The following DLGAP3 variants were observed in gnomAD, a reference collection of about 807,000 sequenced individuals.
The protein encoded by DLGAP3 is disks large-associated protein 3.
Under a neutral mutation model 81.2 loss-of-function variants are expected in DLGAP3, and 17 were observed. The observed-to-expected ratio is 0.21, with a 90% confidence interval of 0.14 to 0.31. DLGAP3 has a LOEUF of 0.31. DLGAP3 is among the 10% of genes least tolerant of loss of function. The pLI is 1.00. For missense variants in DLGAP3, 1,124 were observed against 1,388.0 expected, an observed-to-expected ratio of 0.81 and a Z score of 3.02; for synonymous variants, 577 against 587.4, an observed-to-expected ratio of 0.98 and a Z score of 0.26.
intron 3 of DLGAP3, among the ~76,000 whole-genome samples, chr1:34,901,145 G>A (rs935338410): frequency 9.9e-5 from 15 of 152,180 alleles, no homozygotes; most frequent in African/African-American, 3.4e-4. Flanking sequence ...CTGGGATTCA[G>A]TGGGGAGATC....
At chr1:34,884,579 C>A (rs577811094) in intron 8 of DLGAP3, among the ~76,000 whole-genome samples, 3 of 150,708 alleles carry the variant, frequency 2.0e-5, no homozygotes, top group African/African-American at 7.5e-5. Flanking sequence ...GCAATCTTCC[C>A]GTTTGTTTCT....
intron 11 of DLGAP3, among the ~76,000 whole-genome samples, chr1:34,866,784 AC>A (rs112932264): frequency 6.6e-6 from 1 of 151,256 alleles, no homozygotes; most frequent in Admixed American, 6.6e-5. Context: ...AGCCGCCGCC[AC>A]CCCCCCAACC....
At position 34,902,787 on chromosome 1, in the gene DLGAP3, T is replaced by A. The variant is rs546184603; in HGVS notation, c.1107+1490A>T. Among the ~76,000 whole-genome samples the A allele has an allele frequency of 6.6e-6, 1 of 152,074 alleles. No homozygotes were observed. The highest frequency in any genetic ancestry group is 2.4e-5 in the African/African-American group (1 of 41,472). On this transcript the variant is annotated intron_variant, in intron 3 of 11. Transcript: ENST00000373347. The surrounding 1 kb of genome is among the most constrained non-coding windows in gnomAD (Gnocchi z 4.4). ...CCTCTGCAGGACACTGTGAGGTGCA[T>A]GTTAAAAAGGAAGCCCCCAGGGAGG...
Position 34,900,545 on chromosome 1 carries a change from A to G in DLGAP3, c.1108-272T>C, listed in dbSNP as rs989360847. Among the ~76,000 whole-genome samples, 4 of 152,234 alleles carry G rather than the reference A, an allele frequency of 2.6e-5. No homozygotes were observed. The highest frequency in any genetic ancestry group is 5.9e-5 in the Non-Finnish European group (4 of 68,030). ...GGCAGGCGTCAAGCGGTTGATGATC[A>G]GAGGCCAAAGTGACCTGTGTCAATC... On this transcript the variant is annotated intron_variant, in intron 3 of 11. Coordinates refer to ENST00000373347, the MANE Select transcript of DLGAP3 (RefSeq NM_001080418.3). The surrounding 1 kb of genome is among the most constrained non-coding windows in gnomAD (Gnocchi z 5.6).
chr1:34,919,339 T>C (rs1162983484), intron 1 of DLGAP3, among the ~76,000 whole-genome samples: 1 of 152,224 alleles, frequency 6.6e-6, no homozygotes, highest in Non-Finnish European at 1.5e-5. Flanking sequence ...CACTTCCTCC[T>C]TTTCTTAGCA....
At chr1:34,889,033 C>T (rs551743484) in intron 5 of DLGAP3, among the ~76,000 whole-genome samples, 91 of 152,204 alleles carry the variant, frequency 6.0e-4, no homozygotes, top group Non-Finnish European at 7.1e-4. Context: ...GTATCTCTAG[C>T]CCTCTTCTGT....
Position 34,885,721 on chromosome 1 carries a change from G to A in DLGAP3, c.1671C>T (p.Thr557=), listed in dbSNP as rs1639214185. 6.3e-6 allele frequency: 9 copies of A among 1,421,218 alleles called. No homozygotes were observed. Among genetic ancestry groups the A allele is most frequent in the Non-Finnish European group, 8.2e-6 (9 of 1,096,070 alleles). 88.0% of individuals were successfully genotyped at this position (1,421,218 alleles called of 1,614,324 possible). Residue 557 remains threonine, a synonymous_variant, in exon 7 of 12, where the codon ACC becomes ACT. Coordinates refer to ENST00000373347, the MANE Select transcript of DLGAP3 (RefSeq NM_001080418.3). ...GSQAPPRISI[T]AQSSTDSAHE... ...GCGCGGAGTCGGTGCTGCTCTGGGC[G>A]GTGATGGAGATGCGGGGCGGGGCCT... is the stretch of plus-strand genomic sequence containing the variant.
Position 34,902,801 on chromosome 1 carries a change from C to T in DLGAP3, c.1107+1476G>A, listed in dbSNP as rs1263199193. On this transcript the variant is annotated intron_variant, in intron 3 of 11. Coordinates refer to ENST00000373347, the MANE Select transcript of DLGAP3 (RefSeq NM_001080418.3). The surrounding 1 kb of genome is among the most constrained non-coding windows in gnomAD (Gnocchi z 4.4). ...TGTGAGGTGCATGTTAAAAAGGAAG[C>T]CCCCAGGGAGGTCAGGGCAGCCCTG... Among the ~76,000 whole-genome samples the T allele has an allele frequency of 6.6e-6, 1 of 152,072 alleles. No homozygotes were observed. Among genetic ancestry groups the T allele is most frequent in the African/African-American group, 2.4e-5 (1 of 41,372 alleles).
chr1:34,908,933 T>C (rs1051676357), intron 1 of DLGAP3, among the ~76,000 whole-genome samples: 12 of 152,208 alleles, frequency 7.9e-5, no homozygotes, highest in African/African-American at 2.9e-4. Flanking sequence ...GCCTCTCAAA[T>C]AGTTGTTGAA....
intron 5 of DLGAP3, among the ~76,000 whole-genome samples, chr1:34,889,527 C>A (rs1639282873): frequency 6.6e-6 from 1 of 152,182 alleles, no homozygotes; most frequent in South Asian, 2.1e-4. Context: ...AGATCCTTAG[C>A]CTTTCTCCAA....
chr1:34,892,072 A>C (rs1057452233), intron 5 of DLGAP3, among the ~76,000 whole-genome samples: 7 of 152,244 alleles, frequency 4.6e-5, no homozygotes, highest in African/African-American at 1.7e-4. Flanking sequence ...AGCTATTATA[A>C]ATATATCAAA....
Position 34,867,753 on chromosome 1 carries a change from G to T in DLGAP3, c.2486-126C>A. 1 of 765,026 alleles carries T rather than the reference G, an allele frequency of 1.3e-6. No homozygotes were observed. The highest frequency in any genetic ancestry group is 2.3e-6 in the Non-Finnish European group (1 of 435,118). 47.4% of individuals were successfully genotyped at this position (765,026 alleles called of 1,614,324 possible). ...ACTGTGTATCCATCAGTCTCCTCCAGCCCCAGCCCCATCCCATCCTCAAGT... is the reference window on the plus strand; with the variant it reads ...ACTGTGTATCCATCAGTCTCCTCCATCCCCAGCCCCATCCCATCCTCAAGT... On this transcript the variant is annotated intron_variant, in intron 9 of 11. Transcript: ENST00000373347. This position sits in a 1 kb window ranked among gnomAD's most constrained non-coding sequence, Gnocchi z 4.3.
intron 8 of DLGAP3, among the ~76,000 whole-genome samples, chr1:34,877,733 C>T (rs914156300): frequency 1.1e-4 from 17 of 152,062 alleles, no homozygotes; most frequent in African/African-American, 2.2e-4. Context: ...TAATGTTAGA[C>T]GTTATTAGGA....
chr1:34,897,474 C>CA (rs1488705724), intron 5 of DLGAP3, among the ~76,000 whole-genome samples: 5 of 152,098 alleles, frequency 3.3e-5, no homozygotes, highest in African/African-American at 1.2e-4. Context: ...GTGGCAAATG[C>CA]AAGGGCCCTA....
At position 34,895,859 on chromosome 1, in the gene DLGAP3, G is replaced by A. The variant is rs145537764; in HGVS notation, c.1386+3810C>T. On this transcript the variant is annotated intron_variant, in intron 5 of 11. Transcript: ENST00000373347. The surrounding 1 kb of genome is among the most constrained non-coding windows in gnomAD (Gnocchi z 4.5). The stretch of plus-strand genomic sequence containing the variant: ...AAGCCTTTTCAACAAATGATGCTGG[G>A]AAAATTGGATATCCGCATTCAAAAA... Among the ~76,000 whole-genome samples the A allele has an allele frequency of 4.0e-5, 6 of 151,854 alleles. No homozygotes were observed. The highest frequency in any genetic ancestry group is 8.8e-5 in the Non-Finnish European group (6 of 67,936).
chr1:34,883,348 G>C (rs1370177001), intron 8 of DLGAP3, among the ~76,000 whole-genome samples: 1 of 152,190 alleles, frequency 6.6e-6, no homozygotes, highest in Non-Finnish European at 1.5e-5. Flanking sequence ...AAGAGTCTCA[G>C]CTAGAAGGCC....
intron 1 of DLGAP3, among the ~76,000 whole-genome samples, chr1:34,922,446 C>T (rs574464239): frequency 5.9e-5 from 9 of 152,202 alleles, no homozygotes; most frequent in East Asian, 1.9e-4. Flanking sequence ...GTGGTTGATA[C>T]GGTACGTATA....
intron 8 of DLGAP3, among the ~76,000 whole-genome samples, chr1:34,872,271 G>A (rs1376303993): frequency 6.6e-6 from 1 of 152,212 alleles, no homozygotes; most frequent in African/African-American, 2.4e-5. Flanking sequence ...GGTGCCCACG[G>A]ATTTTGCAAT....
rs1441171471 is a variant in DLGAP3, at chr1:34,907,393, C to T, written c.-90G>A. 3.3e-5 allele frequency: 5 copies of T among 152,614 alleles called. No individual in the cohort carries two copies. The highest frequency in any genetic ancestry group is 1.2e-4 in the African/African-American group (5 of 41,412). 9.5% of individuals were successfully genotyped at this position (152,614 alleles called of 1,614,324 possible). A position where few individuals can be genotyped will look rare whatever the true frequency, so the allele number is the denominator to read the frequency against. On this transcript the variant is annotated 5_prime_UTR_variant, in exon 2 of 12. Coordinates refer to ENST00000373347, the MANE Select transcript of DLGAP3 (RefSeq NM_001080418.3). ...CCATCCTTGATGTCAGGATCCCCAC[C>T]ACCAGGCAGAAGCCTAACTTCAGAA...
Sources: allele counts gnomAD v4.1 joint callset (sites outside exome capture counted in the v4.1 genomes callset), GRCh38; gene constraint gnomAD v4.1.1; non-coding constraint Gnocchi (gnomAD v3.1); transcripts MANE v1.5; gene names NCBI Gene and HGNC (gene_info 2026-07-23, HGNC 2026-07-21).